Variants in NAV1 observed in about 807,000 individuals in gnomAD.
The protein encoded by NAV1 is neuron navigator 1.
A neutral mutation model predicts 175.2 loss-of-function variants in NAV1; 18 were observed. The observed-to-expected ratio is 0.10, with a 90% CI of 0.07 to 0.15. The LOEUF (loss-of-function observed/expected upper bound fraction) is 0.15, where lower values mean the gene tolerates loss of function less well. Among genes scored for constraint, NAV1 ranks in the 10% least tolerant of loss-of-function variants. The pLI is 1.00. For missense variants in NAV1, 1,731 were observed against 2,436.6 expected (o/e 0.71, Z 6.10); for synonymous variants, 897 against 978.7 (o/e 0.92, Z 1.56).
chr1:201,689,680 T>C (rs546171021), intron 1 of NAV1, among the ~76,000 whole-genome samples: 27 of 152,336 alleles, frequency 1.8e-4, no homozygotes, highest in African/African-American at 6.5e-4. Context: ...CTACCTGTCC[T>C]GTGGCCGCCC....
intron 1 of NAV1, among the ~76,000 whole-genome samples, chr1:201,559,249 A>G (rs1477710459): frequency 1.3e-5 from 2 of 152,138 alleles, no homozygotes; most frequent in Admixed American, 6.5e-5. Context: ...AGAGGCTACC[A>G]TGAATTGTGG....
intron 2 of NAV1, among the ~76,000 whole-genome samples, chr1:201,606,709 A>G (rs970738115): frequency 7.9e-5 from 12 of 152,202 alleles, no homozygotes; most frequent in African/African-American, 2.9e-4. Flanking sequence ...TCTGCTGGCT[A>G]TGGGGCCACC....
At position 201,788,699 on chromosome 1, in the gene NAV1, C is replaced by A. The variant is rs1676927288; in HGVS notation, c.3166+61C>A. On this transcript the variant is annotated intron_variant, in intron 10 of 29. Transcript: ENST00000367296. The surrounding 1 kb of genome is among the most constrained non-coding windows in gnomAD (Gnocchi z 5.7). ...CAGCTCTGCTGGGTCCCCTCACCCACCACCTCCACTCCCACCACTCCTACC... is the reference window on the plus strand; with the variant it reads ...CAGCTCTGCTGGGTCCCCTCACCCAACACCTCCACTCCCACCACTCCTACC... 1.3e-6 allele frequency: 2 copies of A among 1,483,780 alleles called. No homozygotes were observed. 91.9% of individuals were successfully genotyped at this position (1,483,780 alleles called of 1,614,324 possible).
At chr1:201,689,511 G>C (rs1189617607) in intron 1 of NAV1, among the ~76,000 whole-genome samples, 1 of 152,168 alleles carries the variant, frequency 6.6e-6, no homozygotes, top group African/African-American at 2.4e-5. Flanking sequence ...GAGACTCCTA[G>C]GTTCATAAGC....
At chr1:201,803,792 T>C in intron 16 of NAV1, 78 bp downstream of exon 20, 1 of 1,544,364 alleles carries the variant, frequency 6.5e-7, no homozygotes, top group Non-Finnish European at 8.8e-7. Context: ...GATCGAATCC[T>C]TCCAGGATTA....
intron 16 of NAV1, 131 bp from the exon 21 acceptor site, chr1:201,804,358 G>C (rs1678140414): frequency 2.2e-6 from 2 of 890,790 alleles, no homozygotes; most frequent in Admixed American, 2.7e-5. Context: ...TCTGTCCCCT[G>C]TTCAGTAAGA....
intron 1 of NAV1, among the ~76,000 whole-genome samples, chr1:201,680,229 G>T (rs1670407166): frequency 6.6e-6 from 1 of 152,162 alleles, no homozygotes; most frequent in Non-Finnish European, 1.5e-5. Flanking sequence ...AAGAACCAAG[G>T]CTGGGCGCGG....
intron 1 of NAV1, among the ~76,000 whole-genome samples, chr1:201,559,242 G>A (rs1666126829): frequency 6.6e-6 from 1 of 152,120 alleles, no homozygotes; most frequent in African/African-American, 2.4e-5. Flanking sequence ...CCTGCCGAGA[G>A]GCTACCATGA....
In NAV1 at chr1:201,740,016, C is replaced by T. The variant is rs1673303975; in HGVS notation, c.1226+21261C>T. 1 of 1,480,768 alleles carries T rather than the reference C, an allele frequency of 6.8e-7. No homozygotes were observed. The highest frequency in any genetic ancestry group is 9.0e-7 in the Non-Finnish European group (1 of 1,112,834). 91.7% of individuals were successfully genotyped at this position (1,480,768 alleles called of 1,614,324 possible). A position where few individuals can be genotyped will look rare whatever the true frequency, so the allele number is the denominator to read the frequency against. ...CCACCCGGTGAATGGCCGCCTGAGC[C>T]GGGGAAGATGCTTCATCTGCCCCTG... is the stretch of plus-strand genomic sequence containing the variant. On this transcript the variant is annotated intron_variant, in intron 3 of 29. Coordinates refer to ENST00000367296, the Ensembl canonical transcript of NAV1. The surrounding 1 kb of genome is among the most constrained non-coding windows in gnomAD (Gnocchi z 4.7).
At position 201,788,524 on chromosome 1, in the gene NAV1, C is replaced by G. The variant is rs1196944905; in HGVS notation, c.3052C>G (p.His1018Asp). 1 of 1,614,204 alleles carries G rather than the reference C, an allele frequency of 6.2e-7. No homozygotes were observed. The highest frequency in any genetic ancestry group is 8.5e-7 in the Non-Finnish European group (1 of 1,180,026). The change falls in exon 10 of 30, where the codon CAC (histidine) becomes GAC (aspartate). Residue 1018 changes from histidine (H) to aspartate (D), a missense_variant. Physicochemically the swap from His to Asp is moderately conservative, Grantham distance 81 (BLOSUM62 -1). Transcript: ENST00000367296. The surrounding 1 kb of genome is among the most constrained non-coding windows in gnomAD (Gnocchi z 5.7). ...CACCCGCTCCAACAGCATCCCCACCCACGAGGCGGCCTTCGAGCTGTACAG... is the reference window on the plus strand; with the variant it reads ...CACCCGCTCCAACAGCATCCCCACCGACGAGGCGGCCTTCGAGCTGTACAG...
chr1:201,583,059 C>T (rs961644863), intron 1 of NAV1, among the ~76,000 whole-genome samples: 32 of 152,378 alleles, frequency 2.1e-4, no homozygotes, highest in African/African-American at 5.5e-4. Flanking sequence ...GGACCCAAGG[C>T]CTGGCATTGT....
At chr1:201,733,513 A>T (rs771270998) in intron 3 of NAV1, 1 of 152,124 alleles carries the variant, frequency 6.6e-6, no homozygotes, top group Non-Finnish European at 1.5e-5. Context: ...TAAAATATAT[A>T]TATTAAATTA....
chr1:201,815,919 G>A (rs964537830), intron 28 of NAV1, among the ~76,000 whole-genome samples: 3 of 151,968 alleles, frequency 2.0e-5, no homozygotes, highest in Non-Finnish European at 4.4e-5. Context: ...TGTATTTTTA[G>A]TAGAGACAGG....
In NAV1 at chr1:201,591,898, T is replaced by C. The variant is rs138345639; in HGVS notation, c.-33+3249T>C. ...GGGCCACCAAACCCGGAGCTCTTGA[T>C]TGCAGCCCCTACTCAGCCTTAGATA... On this transcript the variant is annotated intron_variant, in intron 2 of 33. Coordinates refer to the NAV1 transcript ENST00000685211. Among the ~76,000 whole-genome samples, 39 of 152,216 alleles carry C rather than the reference T, an allele frequency of 2.6e-4. No individual in the cohort carries two copies. In the East Asian group the frequency reaches 7.0e-3, roughly 27 times the overall value.
intron 2 of NAV1, among the ~76,000 whole-genome samples, chr1:201,611,223 G>A (rs919775063): frequency 1.3e-5 from 2 of 152,174 alleles, no homozygotes; most frequent in Admixed American, 6.5e-5. Context: ...TCTCTGCCAA[G>A]GACCAGGCCC....
intron 1 of NAV1, among the ~76,000 whole-genome samples, chr1:201,664,079 G>C (rs79213441): frequency 0.013 from 1,975 of 152,292 alleles, 45 homozygotes; most frequent in African/African-American, 0.044. Context: ...CCGGAGTATA[G>C]TGGCCAAATG....
chr1:201,709,378 T>C (rs1171557100), intron 1 of NAV1, among the ~76,000 whole-genome samples: 1 of 152,180 alleles, frequency 6.6e-6, no homozygotes, highest in Non-Finnish European at 1.5e-5. Context: ...CTTACTCATA[T>C]TTTTAAGCTA....
intron 3 of NAV1, among the ~76,000 whole-genome samples, chr1:201,758,030 G>A (rs959009373): frequency 2.0e-5 from 3 of 152,304 alleles, no homozygotes; most frequent in African/African-American, 7.2e-5. Context: ...CCCACTTGTG[G>A]GGACTCATCC....
intron 1 of NAV1, among the ~76,000 whole-genome samples, chr1:201,655,274 A>AAGCCCAG (rs1327966169): frequency 6.6e-6 from 1 of 152,146 alleles, no homozygotes; most frequent in African/African-American, 2.4e-5. Flanking sequence ...CCAAAGCCCA[A>AAGCCCAG]AGCCCAAAGC....
Sources: gnomAD v4.1 joint callset for allele counts (sites outside exome capture counted in the v4.1 genomes callset) on GRCh38, gnomAD v4.1.1 for gene constraint, Gnocchi (gnomAD v3.1) non-coding constraint, MANE v1.5 for transcripts, NCBI Gene and HGNC (gene_info 2026-07-23, HGNC 2026-07-21) for gene names.